The following EYS variants were observed in gnomAD, a reference collection of about 807,000 sequenced individuals.
The protein encoded by EYS is protein eyes shut homolog.
Under a neutral mutation model 282.1 loss-of-function variants are expected in EYS, and 250 were observed. The observed-to-expected ratio is 0.89, with a 90% confidence interval of 0.80 to 0.98. The LOEUF is 0.98. Ranked by LOEUF, EYS falls within the 50% of genes least tolerant of loss-of-function variation. The pLI is 0.00. For synonymous variants in EYS, 1,355 were observed against 1,282.9 expected, an observed-to-expected ratio of 1.06 and a Z score of -1.20; for missense variants, 4,016 against 3,709.0, an observed-to-expected ratio of 1.08 and a Z score of -2.15.
intron 29 of EYS, among the ~76,000 whole-genome samples, chr6:64,368,236 C>T (rs565225304): frequency 2.0e-5 from 3 of 152,034 alleles, no homozygotes; most frequent in Non-Finnish European, 4.4e-5. Context: ...CAATAATGGC[C>T]TCCTGCTCCA....
chr6:63,725,252 A>T lies in EYS; in HGVS notation c.8233+1267T>A, dbSNP rs569065039. Among the ~76,000 whole-genome samples the T allele has an allele frequency of 1.4e-4, 21 of 152,242 alleles. No individual in the cohort carries two copies. In the East Asian group the frequency reaches 4.1e-3, roughly 29 times the overall value. On this transcript the variant is annotated intron_variant, in intron 42 of 42. Coordinates refer to ENST00000503581, the MANE Select transcript of EYS (RefSeq NM_001142800.2). The stretch of plus-strand genomic sequence containing the variant: ...TTGTCTTGAACTACATGCATTGAAT[A>T]ACAGATGTAAGAAGATGTGCTCTTG...
intron 31 of EYS, among the ~76,000 whole-genome samples, chr6:64,170,869 A>T (rs1235699502): frequency 6.6e-6 from 1 of 151,992 alleles, no homozygotes; most frequent in African/African-American, 2.4e-5. Flanking sequence ...TTCCAATCCC[A>T]ACTTTTTCTC....
At chr6:65,374,364 G>T (rs1194089459) in intron 8 of EYS, among the ~76,000 whole-genome samples, 2 of 152,050 alleles carry the variant, frequency 1.3e-5, no homozygotes, top group African/African-American at 4.8e-5. Flanking sequence ...GGGCTATCTG[G>T]CCCAGATACT....
In EYS at chr6:65,344,111, T is replaced by G. The variant is rs1004854030; in HGVS notation, c.1526A>C (p.Glu509Ala). ...AYFFLAANCT[E>A]DATYVNDPED... Reference sequence around the variant, plus strand: ...AGGATCGTTCACATAGGTTGCATCTTCAGTGCAGTTTGCAGCCAGAAAGAA... The same window carrying G: ...AGGATCGTTCACATAGGTTGCATCTGCAGTGCAGTTTGCAGCCAGAAAGAA... The change falls in exon 10 of 43, where the codon GAA (glutamate) becomes GCA (alanine). Residue 509 changes from glutamate (E) to alanine (A), a missense_variant. Coordinates refer to ENST00000503581, the MANE Select transcript of EYS (RefSeq NM_001142800.2). 2 of 1,610,594 alleles carry G rather than the reference T, an allele frequency of 1.2e-6. No homozygotes were observed. Among genetic ancestry groups the G allele is most frequent in the Non-Finnish European group, 1.7e-6 (2 of 1,177,662 alleles).
chr6:64,242,761 T>C (rs1022669086), intron 30 of EYS, among the ~76,000 whole-genome samples: 3 of 150,704 alleles, frequency 2.0e-5, no homozygotes, highest in Non-Finnish European at 4.4e-5. Context: ...GAGGTTCCTC[T>C]GAGATTAACT....
chr6:65,079,966 G>A (rs1581891235), intron 12 of EYS, among the ~76,000 whole-genome samples: 1 of 152,052 alleles, frequency 6.6e-6, no homozygotes, highest in African/African-American at 2.4e-5. Flanking sequence ...TGGTATAATG[G>A]TGCATTTTTA....
chr6:64,606,221 AC>A (rs1766931866), intron 24 of EYS, among the ~76,000 whole-genome samples: 1 of 152,010 alleles, frequency 6.6e-6, no homozygotes, highest in Admixed American at 6.6e-5. Flanking sequence ...TTAAAAAATA[AC>A]ATAACCTCAC....
chr6:63,823,676 A>G (rs943964067), intron 36 of EYS, among the ~76,000 whole-genome samples: 2 of 151,894 alleles, frequency 1.3e-5, no homozygotes, highest in African/African-American at 2.4e-5. Context: ...TTTATACTTT[A>G]TTTATTTCAC....
chr6:65,680,842 A>C (rs971522449), intron 1 of EYS, among the ~76,000 whole-genome samples: 1 of 151,820 alleles, frequency 6.6e-6, no homozygotes, highest in Non-Finnish European at 1.5e-5. Flanking sequence ...CAATTCTCAC[A>C]CTCTACCTCG....
At chr6:65,490,823 T>C in intron 4 of EYS, 116 bp from the exon 5 acceptor site, 1 of 691,104 alleles carries the variant, frequency 1.4e-6, no homozygotes, top group South Asian at 1.6e-5. Context: ...ATTTCAGTTA[T>C]GAAACCATGT....
intron 26 of EYS, among the ~76,000 whole-genome samples, chr6:64,544,005 A>G (rs1764768325): frequency 6.6e-6 from 1 of 152,230 alleles, no homozygotes; most frequent in Non-Finnish European, 1.5e-5. Flanking sequence ...TTATTCATAG[A>G]AAGAATATGT....
chr6:65,520,047 A>G (rs924179586), intron 2 of EYS, among the ~76,000 whole-genome samples: 3 of 152,030 alleles, frequency 2.0e-5, no homozygotes, highest in Middle Eastern at 3.4e-3. Flanking sequence ...TACTATGCAT[A>G]TTAGATTAAC....
At chr6:65,414,404 G>C (rs763414579) in intron 5 of EYS, among the ~76,000 whole-genome samples, 1 of 152,118 alleles carries the variant, frequency 6.6e-6, no homozygotes, top group Non-Finnish European at 1.5e-5. Context: ...GGAAAGCAGA[G>C]AGACAAGATT....
intron 30 of EYS, among the ~76,000 whole-genome samples, chr6:64,250,949 A>G (rs1767190575): frequency 6.6e-6 from 1 of 152,198 alleles, no homozygotes; most frequent in African/African-American, 2.4e-5. Flanking sequence ...AATACACTAG[A>G]TAATATGAGG....
At chr6:64,742,348 T>C (rs1301345867) in intron 22 of EYS, among the ~76,000 whole-genome samples, 1 of 152,086 alleles carries the variant, frequency 6.6e-6, no homozygotes, top group Non-Finnish European at 1.5e-5. Context: ...TCACTAATCA[T>C]AGATCACTGT....
At chr6:64,571,128 A>G (rs531176219) in intron 26 of EYS, among the ~76,000 whole-genome samples, 4 of 152,296 alleles carry the variant, frequency 2.6e-5, no homozygotes, top group Admixed American at 2.6e-4. Flanking sequence ...TAAGAAACTC[A>G]CTCAAAACCA....
chr6:63,804,130 C>T (rs1253290722), intron 37 of EYS, among the ~76,000 whole-genome samples: 1 of 152,124 alleles, frequency 6.6e-6, no homozygotes, highest in African/African-American at 2.4e-5. Flanking sequence ...GATTCTCATG[C>T]CTCAGCCTCC....
chr6:63,874,587 A>G (rs573210408), intron 35 of EYS, among the ~76,000 whole-genome samples: 3 of 152,190 alleles, frequency 2.0e-5, no homozygotes, highest in Middle Eastern at 3.4e-3. Flanking sequence ...TACCTTGGGC[A>G]GTATGGCCAT....
In EYS at chr6:64,707,120, CACACACACACAT is replaced by C. The variant is rs1209069262; in HGVS notation, c.3444-80887_3444-80876del. Among the ~76,000 whole-genome samples, 6 of 99,800 alleles carry C rather than the reference CACACACACACAT, an allele frequency of 6.0e-5. No homozygotes were observed. In the South Asian group the frequency reaches 1.2e-3, roughly 19 times the overall value. 65.5% of individuals were successfully genotyped at this position (99,800 alleles called of 152,430 possible). ...ATATATATGCATACACACACACACA[CACACACACACAT>C]ATATATATGTGTCATGGAATACAAC... On this transcript the variant is annotated intron_variant, in intron 22 of 42. Transcript: ENST00000503581.
Sources: gnomAD v4.1 joint callset for allele counts (sites outside exome capture counted in the v4.1 genomes callset) on GRCh38, gnomAD v4.1.1 for gene constraint, MANE v1.5 for transcripts, NCBI Gene and HGNC (gene_info 2026-07-23, HGNC 2026-07-21) for gene names.